BIN1: variants seen among roughly 807,000 people sequenced by gnomAD.
The protein encoded by BIN1 is bridging integrator 1, also known as myc box-dependent-interacting protein 1.
BIN1 carries 53 observed loss-of-function variants against 82.0 expected under a neutral mutation model. The ratio of observed to expected loss-of-function variants is 0.65; its 90% confidence interval spans 0.52 to 0.81. The LOEUF is 0.81. Among genes scored for constraint, BIN1 ranks in the 40% least tolerant of loss-of-function variants. The pLI, the probability that BIN1 is intolerant of heterozygous loss-of-function variation, is 0.00. For missense variants in BIN1, 642 were observed against 784.4 expected (o/e 0.82, Z 2.17); for synonymous variants, 302 against 328.0 (o/e 0.92, Z 0.86).
At position 127,081,734 on chromosome 2, in the gene BIN1, CCA is replaced by C. The variant is rs148467723; in HGVS notation, c.85-5030_85-5029del. 6,478 of 1,225,222 alleles carry C rather than the reference CCA, an allele frequency of 5.3e-3. 289 individuals are homozygous for C. The African/African-American group carries it at 0.091, about 17-fold the overall frequency. 75.9% of individuals were successfully genotyped at this position (1,225,222 alleles called of 1,614,324 possible). On this transcript the variant is annotated intron_variant, in intron 1 of 18. Coordinates refer to ENST00000316724, the MANE Select transcript of BIN1 (RefSeq NM_139343.3). ...CAGCAGAGTTCCCAACACCCCACCC[CCA>C]CACACACATGGAAGGGGGACCTCAT... is the stretch of plus-strand genomic sequence containing the variant.
At chr2:127,092,769 A>T (rs1173377769) in intron 1 of BIN1, among the ~76,000 whole-genome samples, 2 of 152,198 alleles carry the variant, frequency 1.3e-5, no homozygotes, top group Non-Finnish European at 2.9e-5. Flanking sequence ...GGGAAGGGCC[A>T]ACACAGTGCA....
Position 127,067,485 on chromosome 2 carries a change from G to A in BIN1, c.612+678C>T, listed in dbSNP as rs1035449131. ...TTTGTAAAAAAGCCTCCTCCGGGAA[G>A]CCCCCCAGGAACACTGTGGTGCTGG... On this transcript the variant is annotated intron_variant, in intron 7 of 18. Coordinates refer to ENST00000316724, the MANE Select transcript of BIN1 (RefSeq NM_139343.3). This position sits in a 1 kb window ranked among gnomAD's most constrained non-coding sequence, Gnocchi z 4.7. Among the ~76,000 whole-genome samples the A allele has an allele frequency of 6.6e-6, 1 of 152,146 alleles. No individual in the cohort carries two copies. Among genetic ancestry groups the A allele is most frequent in the African/African-American group, 2.4e-5 (1 of 41,430 alleles).
chr2:127,086,281 G>C (rs535057993), intron 1 of BIN1, among the ~76,000 whole-genome samples: 2 of 152,136 alleles, frequency 1.3e-5, no homozygotes, highest in South Asian at 2.1e-4. Context: ...ACAGACACTG[G>C]GGGGAGCGGG....
chr2:127,105,473 T>C (rs1199018929), intron 1 of BIN1, among the ~76,000 whole-genome samples: 6 of 58,458 alleles, frequency 1.0e-4, no homozygotes, highest in Non-Finnish European at 3.8e-5. Flanking sequence ...TAATCCCTCC[T>C]CCTCCTCCTC....
rs145210551 is a variant in BIN1 at position 127,090,512 on chromosome 2, C to T, written c.85-13806G>A. On this transcript the variant is annotated intron_variant, in intron 1 of 18. Transcript: ENST00000316724. The surrounding 1 kb of genome is among the most constrained non-coding windows in gnomAD (Gnocchi z 6.4). ...CCCTCCGCCCATCTGTCCCTCCACA[C>T]AAGTGCGGGTGCTATTCTCAGCCCA... 7.0e-4 allele frequency among the ~76,000 whole-genome samples: 107 copies of T among 152,384 alleles called. 1 individual carries two copies. Among genetic ancestry groups the T allele is most frequent in the African/African-American group, 2.4e-3 (101 of 41,596 alleles).
At chr2:127,069,826 C>A (rs758075905) in intron 5 of BIN1, among the ~76,000 whole-genome samples, 169 bp downstream of exon 5, 22 of 152,178 alleles carry the variant, frequency 1.4e-4, no homozygotes, top group Non-Finnish European at 2.9e-4. Flanking sequence ...GAATGGGGGG[C>A]CGTGGGCTGG....
intron 1 of BIN1, among the ~76,000 whole-genome samples, chr2:127,105,231 A>T (rs1680884023): frequency 6.6e-6 from 1 of 152,146 alleles, no homozygotes; most frequent in Admixed American, 6.5e-5. Context: ...AAGGGGTGGG[A>T]CACCAGTGGG....
chr2:127,075,249 G>A (rs542840752), intron 2 of BIN1, among the ~76,000 whole-genome samples: 86 of 152,346 alleles, frequency 5.6e-4, no homozygotes, highest in African/African-American at 2.0e-3. Flanking sequence ...CTCAAGGATT[G>A]CATAGATCTC....
In BIN1 at chr2:127,048,385, C is replaced by G; in HGVS notation, c.*141G>C. 3 of 766,000 alleles carry G rather than the reference C, an allele frequency of 3.9e-6. No homozygotes were observed. The East Asian group carries it at 8.0e-5, about 20-fold the overall frequency. The allele number at this position is 766,000 out of a possible 1,614,324, so 47.5% of individuals were successfully genotyped here. ...GAAAACGACCTAATCTTTGGGAGAA[C>G]GCCCCTCTGCCTGGGGGTCTCCTCT... On this transcript the variant is annotated 3_prime_UTR_variant, in exon 19 of 19. Transcript: ENST00000316724.
Position 127,048,237 on chromosome 2 carries a change from C to T in BIN1, c.*289G>A, listed in dbSNP as rs1468079464. The T allele has an allele frequency of 2.3e-6, 1 of 440,694 alleles. No homozygotes were observed. Among genetic ancestry groups the T allele is most frequent in the Non-Finnish European group, 4.2e-6 (1 of 236,796 alleles). 27.3% of individuals were successfully genotyped at this position (440,694 alleles called of 1,614,324 possible). A position where few individuals can be genotyped will look rare whatever the true frequency, so the allele number is the denominator to read the frequency against. ...AGCATGGTGGCTCGGCAGCCCCCAG[C>T]CCCGCCCTGCGGCCAGGCACACATG... On this transcript the variant is annotated 3_prime_UTR_variant, in exon 19 of 19. Coordinates refer to ENST00000316724, the MANE Select transcript of BIN1 (RefSeq NM_139343.3).
At chr2:127,085,055 A>G (rs1359355917) in intron 1 of BIN1, among the ~76,000 whole-genome samples, 1 of 150,116 alleles carries the variant, frequency 6.7e-6, no homozygotes, top group East Asian at 2.0e-4. Context: ...CCCACCCCAG[A>G]GCTGCTGCTT....
chr2:127,091,382 C>T (rs1343679357), intron 1 of BIN1, among the ~76,000 whole-genome samples: 1 of 152,238 alleles, frequency 6.6e-6, no homozygotes. Flanking sequence ...GTGCTGTTCT[C>T]AGCCACAGGG....
chr2:127,058,979 C>T (rs1340585463), intron 11 of BIN1, 32 bp downstream of exon 11: 1 of 1,552,378 alleles, frequency 6.4e-7, no homozygotes, highest in Admixed American at 2.0e-5. Context: ...GGAGGGAGGG[C>T]AGGGGACCTG....
chr2:127,048,062 A>C lies in BIN1; in HGVS notation c.*464T>G. ...GTTTTTATCATTTTTTTTTTGTTTC[A>C]TTTTGTTTTGAACACTAAGATTTAT... On this transcript the variant is annotated 3_prime_UTR_variant, in exon 19 of 19. Coordinates refer to ENST00000316724, the MANE Select transcript of BIN1 (RefSeq NM_139343.3). 5.3e-6 allele frequency: 1 copy of C among 187,984 alleles called. No individual in the cohort carries two copies. Among genetic ancestry groups the C allele is most frequent in the Admixed American group, 5.4e-5 (1 of 18,538 alleles). The allele number at this position is 187,984 out of a possible 1,614,324, so 11.6% of individuals were successfully genotyped here.
At position 127,068,152 on chromosome 2, in the gene BIN1, G is replaced by A; in HGVS notation, c.612+11C>T. On this transcript the variant is annotated intron_variant, in intron 7 of 18. Coordinates refer to ENST00000316724, the MANE Select transcript of BIN1 (RefSeq NM_139343.3). The surrounding 1 kb of genome is among the most constrained non-coding windows in gnomAD (Gnocchi z 4.9). Reference sequence around the variant, plus strand: ...GGCGCCAGCACGTGCAAGGTTAGAAGCCAGTGTCACCTGATTTCGGAGCAG... The same window carrying A: ...GGCGCCAGCACGTGCAAGGTTAGAAACCAGTGTCACCTGATTTCGGAGCAG... 1 of 1,612,120 alleles carries A rather than the reference G, an allele frequency of 6.2e-7. No homozygotes were observed. Among genetic ancestry groups the A allele is most frequent in the Non-Finnish European group, 8.5e-7 (1 of 1,178,982 alleles).
chr2:127,092,100 C>T (rs1422613488), intron 1 of BIN1, among the ~76,000 whole-genome samples: 3 of 152,038 alleles, frequency 2.0e-5, no homozygotes, highest in Admixed American at 6.5e-5. Context: ...CCACCCTCCA[C>T]CACACCCCTA....
chr2:127,062,571 T>C (rs1684641902), intron 9 of BIN1, among the ~76,000 whole-genome samples: 2 of 152,194 alleles, frequency 1.3e-5, no homozygotes, highest in South Asian at 4.1e-4. Flanking sequence ...CAGACCACAC[T>C]ACAACTGCCA....
At chr2:127,072,819 CGGGGAAT>C (rs1558839577) in intron 2 of BIN1, among the ~76,000 whole-genome samples, 5 of 152,070 alleles carry the variant, frequency 3.3e-5, no homozygotes, top group Non-Finnish European at 7.4e-5. Flanking sequence ...CCCGCGGGGC[CGGGGAAT>C]GAGGAAGGGT....
intron 1 of BIN1, among the ~76,000 whole-genome samples, chr2:127,085,981 C>G (rs1162064055): frequency 6.6e-6 from 1 of 152,200 alleles, no homozygotes; most frequent in Non-Finnish European, 1.5e-5. Flanking sequence ...CCAGTTGAGG[C>G]CCCCACATGT....
Sources: gnomAD v4.1 joint callset for allele counts (sites outside exome capture counted in the v4.1 genomes callset) on GRCh38, gnomAD v4.1.1 for gene constraint, Gnocchi (gnomAD v3.1) non-coding constraint, MANE v1.5 for transcripts, NCBI Gene and HGNC (gene_info 2026-07-23, HGNC 2026-07-21) for gene names.